PLAUR: variants seen among roughly 807,000 people sequenced by gnomAD.
PLAUR encodes plasminogen activator, urokinase receptor.
Under a neutral mutation model 33.4 loss-of-function variants are expected in PLAUR, and 22 were observed. The observed-to-expected ratio is 0.66, with a 90% confidence interval of 0.47 to 0.94. The LOEUF (loss-of-function observed/expected upper bound fraction) is 0.94. PLAUR is among the 40% of genes least tolerant of loss of function. The probability of loss-of-function intolerance (pLI) is 0.00; values close to 1 mark genes in which losing one functional copy is unlikely to be tolerated. For missense variants in PLAUR, 408 were observed against 434.7 expected (o/e 0.94, Z 0.55); for synonymous variants, 148 against 167.3 (o/e 0.88, Z 0.89).
chr19:43,669,436 T>C (rs750077016), intron 1 of PLAUR, among the ~76,000 whole-genome samples: 33 of 152,160 alleles, frequency 2.2e-4, no homozygotes, highest in Non-Finnish European at 4.3e-4. Flanking sequence ...TGCCCTAGTT[T>C]CCTCTGCGAA....
At chr19:43,655,738 C>G (rs546776694) in intron 4 of PLAUR, among the ~76,000 whole-genome samples, 165 bp from the exon 5 acceptor site, 85 of 152,286 alleles carry the variant, frequency 5.6e-4, no homozygotes, top group African/African-American at 2.0e-3. Context: ...ACTACATATT[C>G]CAGCCTCTCC....
Position 43,648,845 on chromosome 19 carries a change from AGGGGTCCCCC to A in PLAUR, c.*35_*44del. 6.3e-7 allele frequency: 1 copy of A among 1,580,442 alleles called. No homozygotes were observed. The highest frequency in any genetic ancestry group is 1.3e-5 in the African/African-American group (1 of 74,516). ...GGGCTGGGAGCCGAGGGAAGGGCAAAGGGGTCCCCCGGATCCAGCCAGGGCAGAGAGGGGG... is the reference window on the plus strand; with the variant it reads ...GGGCTGGGAGCCGAGGGAAGGGCAAAGGATCCAGCCAGGGCAGAGAGGGGG... On this transcript the variant is annotated 3_prime_UTR_variant, in exon 7 of 7. Coordinates refer to ENST00000340093, the MANE Select transcript of PLAUR (RefSeq NM_002659.4).
At chr19:43,655,847 CT>C (rs1286615914) in intron 4 of PLAUR, among the ~76,000 whole-genome samples, 2 of 152,186 alleles carry the variant, frequency 1.3e-5, no homozygotes, top group Admixed American at 6.5e-5. Context: ...GGAGTGCCCC[CT>C]TTTTTGTCCC....
At chr19:43,657,088 C>T (rs941196851) in intron 3 of PLAUR, among the ~76,000 whole-genome samples, 13 of 151,924 alleles carry the variant, frequency 8.6e-5, no homozygotes, top group African/African-American at 2.7e-4. Context: ...GGACTACAGG[C>T]GTGCACCATC....
At chr19:43,669,080 C>T (rs1419082287) in intron 1 of PLAUR, among the ~76,000 whole-genome samples, 2 of 152,086 alleles carry the variant, frequency 1.3e-5, no homozygotes, top group African/African-American at 4.8e-5. Flanking sequence ...GTCTCGAGCG[C>T]TTTCCGGGTT....
chr19:43,646,211 C>A, downstream of PLAUR: 1 of 408,298 alleles, frequency 2.4e-6, no homozygotes, highest in East Asian at 4.8e-5. Flanking sequence ...AGTGCTAGGA[C>A]TACAGGCATG....
chr19:43,651,802 A>G (rs1344225889), intron 6 of PLAUR: 1 of 995,266 alleles, frequency 1.0e-6, no homozygotes, highest in African/African-American at 1.7e-5. Flanking sequence ...GAATACAGAG[A>G]CCTTTCCAGG....
chr19:43,662,107 C>G (rs1470320209), intron 3 of PLAUR, among the ~76,000 whole-genome samples: 1 of 152,206 alleles, frequency 6.6e-6, no homozygotes, highest in African/African-American at 2.4e-5. Context: ...TCTTCTCCAC[C>G]TGGACAACCT....
chr19:43,652,711 C>A (rs1393112931), intron 5 of PLAUR, among the ~76,000 whole-genome samples: 1 of 152,078 alleles, frequency 6.6e-6, no homozygotes, highest in African/African-American at 2.4e-5. Context: ...AGTGCAGTGG[C>A]GCAATTGTAG....
At chr19:43,648,269 G>A (rs1265252191), downstream of PLAUR, among the ~76,000 whole-genome samples, 1 of 151,948 alleles carries the variant, frequency 6.6e-6, no homozygotes, top group African/African-American at 2.4e-5. Context: ...TCCACCTCCC[G>A]GATTGACGCC....
At chr19:43,654,720 C>T (rs1328451740) in intron 5 of PLAUR, among the ~76,000 whole-genome samples, 2 of 151,460 alleles carry the variant, frequency 1.3e-5, no homozygotes, top group Non-Finnish European at 2.9e-5. Context: ...GGTGACAGAG[C>T]GAGACCCTGT....
chr19:43,649,697 GAAGA>G (rs370011166), intron 6 of PLAUR, among the ~76,000 whole-genome samples: 83 of 148,580 alleles, frequency 5.6e-4, no homozygotes, highest in Middle Eastern at 3.4e-3. Context: ...AGGAAGGAAG[GAAGA>G]AAGAAAGAAA....
intron 6 of PLAUR, 21 bp downstream of exon 6, chr19:43,652,204 C>A: frequency 6.2e-7 from 1 of 1,613,364 alleles, no homozygotes; most frequent in Non-Finnish European, 8.5e-7. Flanking sequence ...TGTTCCCTCC[C>A]AGCCTCGGAG....
At chr19:43,665,012 G>C in intron 3 of PLAUR, 1 of 383,572 alleles carries the variant, frequency 2.6e-6, no homozygotes, top group Non-Finnish European at 4.8e-6. Context: ...ATAAGGATGG[G>C]GTTGATTTGG....
intron 3 of PLAUR, 70 bp downstream of exon 3, chr19:43,665,246 G>A: frequency 1.3e-6 from 2 of 1,502,034 alleles, no homozygotes; most frequent in East Asian, 2.3e-5. Context: ...TTAAGAATAG[G>A]ATTGGGATGA....
chr19:43,653,893 A>C (rs1049847869), intron 5 of PLAUR, among the ~76,000 whole-genome samples: 1 of 152,150 alleles, frequency 6.6e-6, no homozygotes, highest in African/African-American at 2.4e-5. Context: ...TGGGAGGCTG[A>C]GTCAGGCGGA....
intron 3 of PLAUR, among the ~76,000 whole-genome samples, chr19:43,659,002 C>T (rs1974322626): frequency 6.6e-6 from 1 of 152,118 alleles, no homozygotes; most frequent in Admixed American, 6.6e-5. Flanking sequence ...AGGAAGCCCT[C>T]CCTGACCCAT....
chr19:43,652,200 C>T lies in PLAUR; in HGVS notation c.754+25G>A, dbSNP rs140651049. Reference sequence around the variant, plus strand: ...ACTCTCCACCCCCAATAAGTGTTCCCTCCCAGCCTCGGAGAGGGCCTCACC... The same window carrying T: ...ACTCTCCACCCCCAATAAGTGTTCCTTCCCAGCCTCGGAGAGGGCCTCACC... On this transcript the variant is annotated intron_variant, in intron 6 of 6. Coordinates refer to ENST00000340093, the MANE Select transcript of PLAUR (RefSeq NM_002659.4). 4.5e-4 allele frequency: 726 copies of T among 1,613,154 alleles called. 5 individuals are homozygous for T. In the African/African-American group the frequency reaches 8.8e-3, roughly 20 times the overall value.
chr19:43,665,319 A>G lies in PLAUR; in HGVS notation c.307T>C (p.Ser103Pro), dbSNP rs778513898. The change falls in exon 3 of 7, where the codon TCT becomes CCT. Residue 103 changes from serine (S) to proline (P), a missense_variant. Ser to Pro is a moderately conservative substitution (Grantham distance 74). Coordinates refer to ENST00000340093, the MANE Select transcript of PLAUR (RefSeq NM_002659.4). ...TGGCAAGGGCTGCCCTACTCACCAGAGTTGCCCTGGTTGCACAAGTCTAAC... is the reference window on the plus strand; with the variant it reads ...TGGCAAGGGCTGCCCTACTCACCAGGGTTGCCCTGGTTGCACAAGTCTAAC... Reference protein sequence around the residue: ...CGLDLCNQGNSGRAVTYSRSR... With the variant: ...CGLDLCNQGNPGRAVTYSRSR... 3.7e-6 allele frequency: 6 copies of G among 1,613,820 alleles called. No individual in the cohort carries two copies. The African/African-American group carries it at 6.7e-5, about 18-fold the overall frequency.
Sources: allele counts gnomAD v4.1 joint callset (sites outside exome capture counted in the v4.1 genomes callset), GRCh38; gene constraint gnomAD v4.1.1; transcripts MANE v1.5; gene names NCBI Gene and HGNC (gene_info 2026-07-23, HGNC 2026-07-21).